TCTA: variants seen among roughly 807,000 people sequenced by gnomAD.
TCTA encodes the protein T cell leukemia translocation altered, also known as T-cell leukemia translocation-altered gene protein.
Under a neutral mutation model 13.5 loss-of-function variants are expected in TCTA, and 13 were observed. The observed-to-expected ratio is 0.96, with a 90% CI of 0.63 to 1.53. The LOEUF (loss-of-function observed/expected upper bound fraction) is 1.53. TCTA is among the 40% of genes most tolerant of loss of function. The pLI is 0.00. For synonymous variants in TCTA, 58 were observed against 59.0 expected, an observed-to-expected ratio of 0.98 and a Z score of 0.08; for missense variants, 138 against 131.3, an observed-to-expected ratio of 1.05 and a Z score of -0.25.
chr3:49,414,407 G>A (rs950540297), intron 2 of TCTA, among the ~76,000 whole-genome samples: 5 of 152,208 alleles, frequency 3.3e-5, no homozygotes, highest in East Asian at 3.9e-4. Flanking sequence ...GGTGGCGGGC[G>A]CCTGTAATCC....
At position 49,412,473 on chromosome 3, in the gene TCTA, C is replaced by G. The variant is rs760055221; in HGVS notation, c.47C>G (p.Thr16Arg). Residue 16 changes from threonine to arginine, a missense_variant, in exon 1 of 3, where the codon ACG (threonine) becomes AGG (arginine). Transcript: ENST00000273590. ...CAGGCCTTGCAGGCTCTGCCGGCCACGGTGCTGGGCGCGCTGGGCAGCGAG... is the reference window on the plus strand; with the variant it reads ...CAGGCCTTGCAGGCTCTGCCGGCCAGGGTGCTGGGCGCGCTGGGCAGCGAG... Reference protein sequence around the residue: ...SGQALQALPATVLGALGSEFL... With the variant: ...SGQALQALPARVLGALGSEFL... The G allele has an allele frequency of 6.2e-7, 1 of 1,613,488 alleles. No homozygotes were observed. Among genetic ancestry groups the G allele is most frequent in the Non-Finnish European group, 8.5e-7 (1 of 1,179,932 alleles).
Position 49,413,091 on chromosome 3 carries a change from T to C in TCTA, c.250T>C (p.Ser84Pro), listed in dbSNP as rs370534224. ...TCAGAATGGATCCACGCCTGATGGC[T>C]CCACGCATTTCCCTTCGTGGTGAGT... is the stretch of plus-strand genomic sequence containing the variant. ...GGQNGSTPDG[S>P]THFPSWEMAA... Residue 84 changes from serine to proline, a missense_variant, in exon 2 of 3, where the codon TCC becomes CCC. By Grantham distance (74) the Ser-to-Pro change is moderately conservative. Transcript: ENST00000273590. The C allele has an allele frequency of 1.2e-6, 2 of 1,614,190 alleles. No individual in the cohort carries two copies. Among genetic ancestry groups the C allele is most frequent in the South Asian group, 2.2e-5 (2 of 91,080 alleles).
intron 1 of TCTA, 156 bp downstream of exon 1, chr3:49,412,796 A>T (rs2048965246): frequency 5.3e-6 from 5 of 942,250 alleles, no homozygotes; most frequent in Non-Finnish European, 7.9e-6. Context: ...CTCGGAAGCT[A>T]AGCCAGGTAC....
chr3:49,412,653 A>C lies in TCTA; in HGVS notation c.214+13A>C, dbSNP rs765432451. The C allele has an allele frequency of 6.2e-7, 1 of 1,611,362 alleles. No individual in the cohort carries two copies. The highest frequency in any genetic ancestry group is 1.1e-5 in the South Asian group (1 of 91,020). On this transcript the variant is annotated intron_variant, in intron 1 of 2. Coordinates refer to ENST00000273590, the MANE Select transcript of TCTA (RefSeq NM_022171.3). ...TATCACCGTCCAGGTGAGGCTTCCT[A>C]CGAACCTCCGTGGGCTGGCCGCCCC...
Position 49,412,473 on chromosome 3 carries a change from C to T in TCTA, c.47C>T (p.Thr16Met), listed in dbSNP as rs760055221. 1.9e-6 allele frequency: 3 copies of T among 1,613,604 alleles called. No homozygotes were observed. Among genetic ancestry groups the T allele is most frequent in the Non-Finnish European group, 2.5e-6 (3 of 1,179,924 alleles). Residue 16 changes from threonine (T) to methionine (M), a missense_variant, in exon 1 of 3, where the codon ACG becomes ATG. By Grantham distance (81) the Thr-to-Met change is moderately conservative. Coordinates refer to ENST00000273590, the MANE Select transcript of TCTA (RefSeq NM_022171.3). ...SGQALQALPA[T>M]VLGALGSEFL... ...CAGGCCTTGCAGGCTCTGCCGGCCA[C>T]GGTGCTGGGCGCGCTGGGCAGCGAG...
chr3:49,414,951 TGCCG>T lies in TCTA; in HGVS notation c.*91_*94del. 6.4e-7 allele frequency: 1 copy of T among 1,551,262 alleles called. No homozygotes were observed. Among genetic ancestry groups the T allele is most frequent in the Non-Finnish European group, 8.9e-7 (1 of 1,128,434 alleles). ...CTACTCCCCAGACCTCAGGGACAAC[TGCCG>T]GGGGTTCAGGGTTGGTAGCAGGGAG... On this transcript the variant is annotated 3_prime_UTR_variant, in exon 3 of 3. Transcript: ENST00000273590.
At chr3:49,413,233 T>C in intron 2 of TCTA, 123 bp downstream of exon 2, 3 of 1,089,144 alleles carry the variant, frequency 2.8e-6, no homozygotes, top group Non-Finnish European at 4.1e-6. Flanking sequence ...TGCAGCAAGC[T>C]TCAAGTCTGC....
intron 2 of TCTA, chr3:49,413,411 G>T (rs899152027): frequency 2.4e-6 from 1 of 418,168 alleles, no homozygotes; most frequent in Non-Finnish European, 4.4e-6. Context: ...TGGGAAGGCA[G>T]TAATCTCTGT....
At position 49,415,122 on chromosome 3, in the gene TCTA, A is replaced by G; in HGVS notation, c.*260A>G. 2.2e-6 allele frequency: 1 copy of G among 446,646 alleles called. No homozygotes were observed. Among genetic ancestry groups the G allele is most frequent in the Non-Finnish European group, 4.0e-6 (1 of 247,030 alleles). 27.7% of individuals were successfully genotyped at this position (446,646 alleles called of 1,614,324 possible). ...TTGTGTTCTTCCTCTCTCAGGGGTG[A>G]TAACTCAGGAAGCCTCTGGGTTGGG... On this transcript the variant is annotated 3_prime_UTR_variant, in exon 3 of 3. Transcript: ENST00000273590.
chr3:49,414,498 C>G (rs946991559), intron 2 of TCTA, among the ~76,000 whole-genome samples: 1 of 152,152 alleles, frequency 6.6e-6, no homozygotes, highest in Admixed American at 6.5e-5. Flanking sequence ...CTTGCCATTG[C>G]ACCCCAACCT....
chr3:49,413,384 T>C (rs1522929), intron 2 of TCTA: 505,514 of 510,308 alleles, frequency 0.99, 250,558 homozygotes, highest in East Asian at 1. Flanking sequence ...GATTCCACTC[T>C]GCACAATCCC....
rs1222337315 is a variant in TCTA, at chr3:49,412,551, T to C, written c.125T>C (p.Leu42Pro). The change falls in exon 1 of 3, where the codon CTG (leucine) becomes CCG (proline). Residue 42 changes from leucine to proline, a missense_variant. Transcript: ENST00000273590. ...ATGCGCGTGACCCTCTTCAAGCTGC[T>C]GCTGCTGTGGTTGGTGTTAAGTCTC... ...QDMRVTLFKL[L>P]LLWLVLSLLG... 6 of 1,614,270 alleles carry C rather than the reference T, an allele frequency of 3.7e-6. No homozygotes were observed. In the Admixed American group the frequency reaches 6.7e-5, roughly 18 times the overall value.
Position 49,414,844 on chromosome 3 carries a change from C to CA in TCTA, c.298dup (p.Thr100AsnfsTer58). 6.2e-7 allele frequency: 1 copy of CA among 1,613,928 alleles called. No homozygotes were observed. The highest frequency in any genetic ancestry group is 1.3e-5 in the African/African-American group (1 of 75,022). On this transcript the variant is annotated frameshift_variant, in exon 3 of 3. Transcript: ENST00000273590. LOFTEE classifies it high-confidence loss of function. ...GGGAAATGGCAGCAAACGAACCTCT[C>CA]AAAACCCACAGAGAATAAGGGAAGG...
rs184683342 is a variant in TCTA at position 49,415,406 on chromosome 3, C to A, written c.*544C>A. 1.3e-5 allele frequency: 2 copies of A among 153,410 alleles called. No homozygotes were observed. Among genetic ancestry groups the A allele is most frequent in the Non-Finnish European group, 2.9e-5 (2 of 68,742 alleles). 9.5% of individuals were successfully genotyped at this position (153,410 alleles called of 1,614,324 possible). ...TGGCACACACCAGTAATCCCAGCTA[C>A]TCAGGAGGCTGAAGCAGGAGATTTG... On this transcript the variant is annotated 3_prime_UTR_variant, in exon 3 of 3. Transcript: ENST00000273590.
chr3:49,412,472 AC>A lies in TCTA; in HGVS notation c.47del (p.Thr16ArgfsTer21), dbSNP rs2048961241. On this transcript the variant is annotated frameshift_variant, in exon 1 of 3. Transcript: ENST00000273590. LOFTEE classifies it high-confidence loss of function. ...SGQALQALPA[T>X]VLGALGSEFL... is the part of the protein sequence containing the mutation. ...GCAGGCCTTGCAGGCTCTGCCGGCC[AC>A]GGTGCTGGGCGCGCTGGGCAGCGAG... The A allele has an allele frequency of 6.2e-7, 1 of 1,613,476 alleles. No homozygotes were observed. The highest frequency in any genetic ancestry group is 8.5e-7 in the Non-Finnish European group (1 of 1,179,920).
In TCTA at chr3:49,415,990, CA is replaced by C. The variant is rs1293355735; in HGVS notation, c.*1129del. The C allele has an allele frequency of 6.6e-6, 1 of 152,454 alleles. No individual in the cohort carries two copies. The highest frequency in any genetic ancestry group is 1.5e-5 in the Non-Finnish European group (1 of 68,284). 9.4% of individuals were successfully genotyped at this position (152,454 alleles called of 1,614,324 possible). A position where few individuals can be genotyped will look rare whatever the true frequency, so the allele number is the denominator to read the frequency against. On this transcript the variant is annotated 3_prime_UTR_variant, in exon 3 of 3. Transcript: ENST00000273590. ...CCAAGCATTTAGTGCACAGTGGCCC[CA>C]TCATAGCCTGCAGCCTCATCATTTC...
chr3:49,413,054 A>G lies in TCTA; in HGVS notation c.215-2A>G. On this transcript the variant is annotated splice_acceptor_variant, in intron 1 of 2. Coordinates refer to ENST00000273590, the MANE Select transcript of TCTA (RefSeq NM_022171.3). LOFTEE classifies it high-confidence loss of function. ...CAGCTCTGGATGTGTTTCTGCCTCC[A>G]GGTCTGGGTGGTCAGAATGGATCCA... 6.2e-7 allele frequency: 1 copy of G among 1,613,464 alleles called. No individual in the cohort carries two copies. The highest frequency in any genetic ancestry group is 8.5e-7 in the Non-Finnish European group (1 of 1,179,774).
intron 2 of TCTA, 82 bp downstream of exon 2, chr3:49,413,192 C>T (rs2048971740): frequency 1.3e-6 from 2 of 1,527,572 alleles, no homozygotes; most frequent in Non-Finnish European, 1.8e-6. Flanking sequence ...GGGGAGTTCT[C>T]AGGCTTTAAG....
chr3:49,412,803 G>GT (rs2048965316), intron 1 of TCTA, 163 bp downstream of exon 1: 2 of 884,290 alleles, frequency 2.3e-6, no homozygotes, highest in South Asian at 3.3e-5. Context: ...GCTAAGCCAG[G>GT]TACTTGGATG....
Sources: allele counts gnomAD v4.1 joint callset (sites outside exome capture counted in the v4.1 genomes callset), GRCh38; gene constraint gnomAD v4.1.1; transcripts MANE v1.5; gene names NCBI Gene and HGNC (gene_info 2026-07-23, HGNC 2026-07-21).